Variants in HS3ST3A1 observed in about 807,000 individuals in gnomAD.
The protein encoded by HS3ST3A1 is heparan sulfate glucosamine 3-O-sulfotransferase 3A1.
A neutral mutation model predicts 25.7 loss-of-function variants in HS3ST3A1; 19 were observed. The observed-to-expected ratio is 0.74, with a 90% CI of 0.52 to 1.08. The LOEUF (loss-of-function observed/expected upper bound fraction) is 1.08, where lower values mean the gene tolerates loss of function less well. Among genes scored for constraint, HS3ST3A1 ranks in the 50% least tolerant of loss-of-function variants. The pLI is 0.00. For missense variants in HS3ST3A1, 459 were observed against 594.3 expected (o/e 0.77, Z 2.37); for synonymous variants, 226 against 278.6 (o/e 0.81, Z 1.88).
intron 1 of HS3ST3A1, among the ~76,000 whole-genome samples, chr17:13,582,033 A>T (rs922561912): frequency 6.6e-6 from 1 of 152,176 alleles, no homozygotes; most frequent in Non-Finnish European, 1.5e-5. Flanking sequence ...ACCTTGACTT[A>T]AGCAAACAGA....
intron 1 of HS3ST3A1, among the ~76,000 whole-genome samples, chr17:13,514,929 C>T (rs1906002682): frequency 6.6e-6 from 1 of 151,892 alleles, no homozygotes; most frequent in Admixed American, 6.6e-5. Flanking sequence ...AAATTTATAT[C>T]AATAAAAGCC....
At chr17:13,577,386 G>C (rs369612963) in intron 1 of HS3ST3A1, among the ~76,000 whole-genome samples, 1 of 152,082 alleles carries the variant, frequency 6.6e-6, no homozygotes, top group East Asian at 1.9e-4. Flanking sequence ...GTATTCCTGG[G>C]GTTGCTTTCT....
chr17:13,511,120 T>C (rs1905846075), intron 1 of HS3ST3A1, among the ~76,000 whole-genome samples: 1 of 152,126 alleles, frequency 6.6e-6, no homozygotes, highest in Non-Finnish European at 1.5e-5. Flanking sequence ...GGGACACAGG[T>C]AAGAAGGGCT....
At position 13,600,996 on chromosome 17, in the gene HS3ST3A1, C is replaced by T; in HGVS notation, c.134G>A (p.Arg45His). 1 of 1,575,076 alleles carries T rather than the reference C, an allele frequency of 6.3e-7. No homozygotes were observed. Among genetic ancestry groups the T allele is most frequent in the Non-Finnish European group, 8.6e-7 (1 of 1,160,548 alleles). Residue 45 changes from arginine (R) to histidine (H), a missense_variant, in exon 1 of 2, where the codon CGC becomes CAC. Physicochemically the swap from Arg to His is conservative, Grantham distance 29 (BLOSUM62 0). Around this residue, in one of 3 missense-constraint regions of HS3ST3A1, gnomAD observed 346 missense variants for 303.9 expected, o/e 1.14. Transcript: ENST00000284110. ...GACGGGGCCGGACAGGGTCTGGCAG[C>T]GCTCGGCCAGGCAGTAGAAGACGTA... ...SLYVFYCLAE[R>H]CQTLSGPVVG...
chr17:13,501,225 C>G (rs1173058287), intron 1 of HS3ST3A1, among the ~76,000 whole-genome samples: 1 of 152,072 alleles, frequency 6.6e-6, no homozygotes, highest in Non-Finnish European at 1.5e-5. Flanking sequence ...CTGAACCGAA[C>G]AACGGTTAAA....
rs1051320041 is a variant in HS3ST3A1, at chr17:13,601,230, G to A, written c.-101C>T. The A allele has an allele frequency of 8.0e-6, 7 of 873,334 alleles. No individual in the cohort carries two copies. Among genetic ancestry groups the A allele is most frequent in the Non-Finnish European group, 1.1e-5 (7 of 612,654 alleles). The allele number at this position is 873,334 out of a possible 1,614,324, so 54.1% of individuals were successfully genotyped here. A position where few individuals can be genotyped will look rare whatever the true frequency, so the allele number is the denominator to read the frequency against. On this transcript the variant is annotated 5_prime_UTR_variant, in exon 1 of 2. Coordinates refer to ENST00000284110, the MANE Select transcript of HS3ST3A1 (RefSeq NM_006042.3). ...CGGCGGGCCAGCGCGCTGGACGGAG[G>A]CCACATCGCCGTGCGCCCCTGTGGC...
chr17:13,586,494 T>C (rs1407756541), intron 1 of HS3ST3A1, among the ~76,000 whole-genome samples: 1 of 152,086 alleles, frequency 6.6e-6, no homozygotes, highest in African/African-American at 2.4e-5. Flanking sequence ...GCCAGTAGAA[T>C]AGCCATTGGC....
chr17:13,540,529 A>C (rs1372323277), intron 1 of HS3ST3A1, among the ~76,000 whole-genome samples: 1 of 152,246 alleles, frequency 6.6e-6, no homozygotes, highest in East Asian at 1.9e-4. Flanking sequence ...CCAGTAGTTT[A>C]AATAGTCAAA....
chr17:13,507,129 G>C (rs746391628), intron 1 of HS3ST3A1, among the ~76,000 whole-genome samples: 2 of 151,450 alleles, frequency 1.3e-5, no homozygotes, highest in Non-Finnish European at 2.9e-5. Context: ...TCATAGTCAT[G>C]GATAGGACTA....
rs1173517501 is a variant in HS3ST3A1, at chr17:13,526,472, TTTTATATATA to T, written c.600-29664_600-29655del. Among the ~76,000 whole-genome samples, 464 of 58,354 alleles carry T rather than the reference TTTTATATATA, an allele frequency of 8.0e-3. 12 individuals carry two copies. The highest frequency in any genetic ancestry group is 0.016 in the African/African-American group (260 of 16,216). The allele number at this position is 58,354 out of a possible 152,430, so 38.3% of individuals were successfully genotyped here. A position where few individuals can be genotyped will look rare whatever the true frequency, so the allele number is the denominator to read the frequency against. On this transcript the variant is annotated intron_variant, in intron 1 of 1. Coordinates refer to ENST00000284110, the MANE Select transcript of HS3ST3A1 (RefSeq NM_006042.3). ...TATTGAACTTGGATACAACTTTAATTTTTATATATATATATATATATATATATATATATAT... is the reference window on the plus strand; with the variant it reads ...TATTGAACTTGGATACAACTTTAATTTATATATATATATATATATATATAT...
intron 1 of HS3ST3A1, among the ~76,000 whole-genome samples, chr17:13,534,490 G>A (rs751819805): frequency 4.5e-5 from 6 of 132,112 alleles, no homozygotes; most frequent in African/African-American, 8.6e-5. Flanking sequence ...GATTGCTTGA[G>A]CCCAGGAGTT....
chr17:13,499,698 C>T (rs939704564), intron 1 of HS3ST3A1, among the ~76,000 whole-genome samples: 3 of 152,016 alleles, frequency 2.0e-5, no homozygotes, highest in Non-Finnish European at 2.9e-5. Context: ...CTGCTAAAAC[C>T]ACTAAAACAA....
intron 1 of HS3ST3A1, chr17:13,543,561 G>A (rs1344960034): frequency 6.0e-6 from 1 of 167,746 alleles, no homozygotes; most frequent in African/African-American, 2.4e-5. Context: ...TTAGGTTGGT[G>A]CAAAAGTAAT....
At chr17:13,497,535 C>T (rs1380802920) in intron 1 of HS3ST3A1, among the ~76,000 whole-genome samples, 1 of 152,150 alleles carries the variant, frequency 6.6e-6, no homozygotes, top group Non-Finnish European at 1.5e-5. Context: ...TCCGTTTATT[C>T]CTCCTGACAA....
At chr17:13,567,326 A>T (rs1179090205) in intron 1 of HS3ST3A1, among the ~76,000 whole-genome samples, 1 of 152,242 alleles carries the variant, frequency 6.6e-6, no homozygotes, top group African/African-American at 2.4e-5. Context: ...CTCATTGATA[A>T]TGCATCTGGT....
intron 1 of HS3ST3A1, among the ~76,000 whole-genome samples, chr17:13,552,659 G>C (rs1480734169): frequency 2.6e-5 from 4 of 152,170 alleles, no homozygotes; most frequent in Non-Finnish European, 1.5e-5. Flanking sequence ...CTACTGGTTG[G>C]AGGAACAGTG....
At chr17:13,530,571 A>G (rs1278690202) in intron 1 of HS3ST3A1, among the ~76,000 whole-genome samples, 1 of 152,162 alleles carries the variant, frequency 6.6e-6, no homozygotes, top group Non-Finnish European at 1.5e-5. Context: ...TTTAAAAATC[A>G]TATATAGACA....
intron 1 of HS3ST3A1, among the ~76,000 whole-genome samples, chr17:13,532,383 G>A (rs1250843989): frequency 6.6e-6 from 1 of 152,188 alleles, no homozygotes; most frequent in African/African-American, 2.4e-5. Context: ...AGAATGCTGA[G>A]TTCAAATTAG....
intron 1 of HS3ST3A1, among the ~76,000 whole-genome samples, chr17:13,575,908 A>G (rs912091884): frequency 6.6e-6 from 1 of 152,218 alleles, no homozygotes; most frequent in Non-Finnish European, 1.5e-5. Context: ...TCTTTCTGGA[A>G]AGCAGATAAA....
Sources: allele counts gnomAD v4.1 joint callset (sites outside exome capture counted in the v4.1 genomes callset), GRCh38; gene constraint gnomAD v4.1.1; regional missense constraint gnomAD v4.1.1; transcripts MANE v1.5; gene names NCBI Gene and HGNC (gene_info 2026-07-23, HGNC 2026-07-21).